Variants in STIM2 observed in about 807,000 individuals in gnomAD.
The protein encoded by STIM2 is stromal interaction molecule 2.
In STIM2, 31 loss-of-function variants were observed where a neutral mutation model predicts 85.8. That is an observed-to-expected ratio of 0.36 (90% CI 0.27 to 0.49). The LOEUF (loss-of-function observed/expected upper bound fraction) is 0.49, where lower values mean the gene tolerates loss of function less well. Among genes scored for constraint, STIM2 ranks in the 20% least tolerant of loss-of-function variants. The pLI is 0.98. For missense variants in STIM2, 841 were observed against 927.6 expected (o/e 0.91, Z 1.21); for synonymous variants, 356 against 331.1 (o/e 1.08, Z -0.82).
chr4:27,007,565 A>T lies in STIM2; in HGVS notation c.1014A>T (p.Glu338Asp), dbSNP rs780464550. The T allele has an allele frequency of 6.3e-7, 1 of 1,581,458 alleles. No individual in the cohort carries two copies. Among genetic ancestry groups the T allele is most frequent in the East Asian group, 2.3e-5 (1 of 43,650 alleles). Residue 338 changes from glutamate to aspartate, a missense_variant, in exon 8 of 12, where the codon GAA becomes GAT. Around this residue, in one of 3 missense-constraint regions of STIM2, gnomAD observed 408 missense variants for 525.4 expected, o/e 0.78. Transcript: ENST00000467087. Reference sequence around the variant, plus strand: ...TGGCTCTGAAAAAGGCCGAAAAAGAATTTGAACTGAGAAGCAGTTGGTCTG... The same window carrying T: ...TGGCTCTGAAAAAGGCCGAAAAAGATTTTGAACTGAGAAGCAGTTGGTCTG...
intron 10 of STIM2, among the ~76,000 whole-genome samples, 181 bp downstream of exon 10, chr4:27,009,183 A>G (rs1728477596): frequency 6.6e-6 from 1 of 152,228 alleles, no homozygotes; most frequent in Non-Finnish European, 1.5e-5. Flanking sequence ...TGCAATGCAT[A>G]TATCAATACT....
chr4:26,994,588 A>G (rs1023270059), intron 3 of STIM2, among the ~76,000 whole-genome samples: 1 of 152,122 alleles, frequency 6.6e-6, no homozygotes, highest in Admixed American at 6.6e-5. Flanking sequence ...CACATTGAAG[A>G]ACAACATTCT....
chr4:26,897,498 C>CA (rs1280771163), intron 1 of STIM2, among the ~76,000 whole-genome samples: 1 of 152,074 alleles, frequency 6.6e-6, no homozygotes. Context: ...CAGGTAAATA[C>CA]AAAAGACACA....
intron 1 of STIM2, among the ~76,000 whole-genome samples, chr4:26,882,148 G>C (rs577026653): frequency 6.6e-6 from 1 of 152,278 alleles, no homozygotes; most frequent in Admixed American, 6.5e-5. Context: ...GTAACTGGGG[G>C]TTGAGATTGC....
intron 2 of STIM2, among the ~76,000 whole-genome samples, chr4:26,944,368 C>T (rs966057694): frequency 1.3e-4 from 20 of 152,018 alleles, no homozygotes; most frequent in Non-Finnish European, 1.5e-5. Flanking sequence ...CTTCGAGTAA[C>T]AATATACTTT....
chr4:26,913,469 T>C (rs778672879), intron 1 of STIM2, among the ~76,000 whole-genome samples: 7 of 152,200 alleles, frequency 4.6e-5, no homozygotes, highest in Non-Finnish European at 1.0e-4. Flanking sequence ...TTGCATATTT[T>C]GTTCAATAAG....
intron 2 of STIM2, among the ~76,000 whole-genome samples, chr4:26,937,421 A>G (rs1725434474): frequency 6.6e-6 from 1 of 152,108 alleles, no homozygotes; most frequent in African/African-American, 2.4e-5. Flanking sequence ...CAGCCTTTTC[A>G]GCATCACAGC....
chr4:26,915,062 G>A lies in STIM2; in HGVS notation c.152-4442G>A, dbSNP rs375187866. Among the ~76,000 whole-genome samples the A allele has an allele frequency of 7.2e-5, 11 of 152,240 alleles. No homozygotes were observed. The East Asian group carries it at 1.5e-3, about 21-fold the overall frequency. On this transcript the variant is annotated intron_variant, in intron 1 of 11. Transcript: ENST00000467087. ...GGAGTTGTGAATACTTAGAATCCCA[G>A]TTGTCATTTCTAGGAGTGTGATCTT... is the stretch of plus-strand genomic sequence containing the variant.
At chr4:26,901,047 C>T (rs1324155848) in intron 1 of STIM2, among the ~76,000 whole-genome samples, 13 of 152,148 alleles carry the variant, frequency 8.5e-5, no homozygotes, top group Non-Finnish European at 2.9e-5. Flanking sequence ...TCTTTCCTTC[C>T]CTTCTTGCGT....
At chr4:26,865,611 T>A (rs1253316629) in intron 1 of STIM2, among the ~76,000 whole-genome samples, 1 of 152,194 alleles carries the variant, frequency 6.6e-6, no homozygotes, top group Non-Finnish European at 1.5e-5. Context: ...CGTCTGCATT[T>A]ATGTAATATG....
At chr4:26,991,725 C>T (rs1233021154) in intron 3 of STIM2, among the ~76,000 whole-genome samples, 1 of 151,972 alleles carries the variant, frequency 6.6e-6, no homozygotes, top group Non-Finnish European at 1.5e-5. Flanking sequence ...AGAATCTGAG[C>T]TGTAGTTAAA....
At chr4:26,895,188 G>A (rs1577422386) in intron 1 of STIM2, among the ~76,000 whole-genome samples, 1 of 152,236 alleles carries the variant, frequency 6.6e-6, no homozygotes, top group East Asian at 1.9e-4. Context: ...CTCCAGCCTA[G>A]GCGACAGAGT....
chr4:26,862,222 G>A (rs1402899351), intron 1 of STIM2, among the ~76,000 whole-genome samples: 1 of 151,612 alleles, frequency 6.6e-6, no homozygotes, highest in African/African-American at 2.4e-5. Flanking sequence ...GCCTTCCGGT[G>A]TTATGTACAA....
At chr4:26,967,118 G>T (rs1179085042) in intron 3 of STIM2, among the ~76,000 whole-genome samples, 1 of 152,156 alleles carries the variant, frequency 6.6e-6, no homozygotes, top group Non-Finnish European at 1.5e-5. Context: ...AAATGAAACA[G>T]AATGGCACTT....
intron 10 of STIM2, among the ~76,000 whole-genome samples, chr4:27,009,852 T>G (rs1043969361): frequency 1.3e-5 from 2 of 152,252 alleles, no homozygotes; most frequent in Non-Finnish European, 2.9e-5. Context: ...GATTCATAAG[T>G]ACACGCTTTT....
intron 3 of STIM2, among the ~76,000 whole-genome samples, chr4:26,991,306 T>G (rs1727757349): frequency 6.6e-6 from 1 of 152,048 alleles, no homozygotes; most frequent in Non-Finnish European, 1.5e-5. Flanking sequence ...GATCATTATG[T>G]TAAGTGAAAT....
intron 3 of STIM2, among the ~76,000 whole-genome samples, chr4:26,970,100 A>T (rs1157242221): frequency 6.6e-6 from 1 of 150,540 alleles, no homozygotes; most frequent in African/African-American, 2.4e-5. Context: ...CATTTTTGCA[A>T]ACCTCTTCAA....
At chr4:26,908,986 T>C (rs1242373596) in intron 1 of STIM2, among the ~76,000 whole-genome samples, 1 of 152,146 alleles carries the variant, frequency 6.6e-6, no homozygotes, top group Non-Finnish European at 1.5e-5. Context: ...AATTGAGGCA[T>C]GAGGATTGCT....
rs527304281 is a variant in STIM2 at position 26,901,991 on chromosome 4, G to A, written c.152-17513G>A. Among the ~76,000 whole-genome samples, 3 of 152,286 alleles carry A rather than the reference G, an allele frequency of 2.0e-5. No homozygotes were observed. The South Asian group carries it at 6.2e-4, about 32-fold the overall frequency. Reference sequence around the variant, plus strand: ...TGGCTTTATAGAGTGAATCAATGGCGAAGTGATTCTTCAGGGATCACAGTG... The same window carrying A: ...TGGCTTTATAGAGTGAATCAATGGCAAAGTGATTCTTCAGGGATCACAGTG... On this transcript the variant is annotated intron_variant, in intron 1 of 11. Transcript: ENST00000467087.
Sources: allele counts gnomAD v4.1 joint callset (sites outside exome capture counted in the v4.1 genomes callset), GRCh38; gene constraint gnomAD v4.1.1; regional missense constraint gnomAD v4.1.1; transcripts MANE v1.5; gene names NCBI Gene and HGNC (gene_info 2026-07-23, HGNC 2026-07-21).